Variants in VSTM4 observed in about 807,000 individuals in gnomAD.
The protein encoded by VSTM4 is V-set and transmembrane domain-containing protein 4.
Under a neutral mutation model 36.4 loss-of-function variants are expected in VSTM4, and 20 were observed. The ratio of observed to expected loss-of-function variants is 0.55; its 90% CI spans 0.39 to 0.80. VSTM4 has a LOEUF of 0.80. Among genes scored for constraint, VSTM4 ranks in the 30% least tolerant of loss-of-function variants. VSTM4 has a pLI of 0.00. For missense variants in VSTM4, 392 were observed against 404.5 expected (o/e 0.97, Z 0.26); for synonymous variants, 182 against 173.9 (o/e 1.05, Z -0.37).
intron 2 of VSTM4, chr10:49,103,923 G>T: frequency 6.9e-7 from 1 of 1,442,240 alleles, no homozygotes; most frequent in Non-Finnish European, 9.5e-7. Flanking sequence ...CCTGGGGTGG[G>T]GGGCACTCAA....
Position 49,018,555 on chromosome 10 carries a change from C to G in VSTM4, c.*1095G>C, listed in dbSNP as rs1161680460. The G allele has an allele frequency of 6.6e-6, 1 of 152,184 alleles. No individual in the cohort carries two copies. Among genetic ancestry groups the G allele is most frequent in the East Asian group, 1.9e-4 (1 of 5,192 alleles). 9.4% of individuals were successfully genotyped at this position (152,184 alleles called of 1,614,324 possible). ...AGACTATACTCACATCAAGAAATGT[C>G]CTCAATAACACAGTTGACAGGATGG... is the stretch of plus-strand genomic sequence containing the variant. On this transcript the variant is annotated 3_prime_UTR_variant, in exon 8 of 8. Coordinates refer to ENST00000332853, the MANE Select transcript of VSTM4 (RefSeq NM_001031746.5).
chr10:49,105,892 T>C (rs1244492896), intron 2 of VSTM4, among the ~76,000 whole-genome samples: 2 of 152,100 alleles, frequency 1.3e-5, no homozygotes, highest in African/African-American at 4.8e-5. Context: ...GTATATATCT[T>C]GTATATATAA....
chr10:49,044,458 G>T (rs1843570271), intron 7 of VSTM4, among the ~76,000 whole-genome samples: 1 of 125,014 alleles, frequency 8.0e-6, no homozygotes. Context: ...GAGAAAGAAA[G>T]AAAGAAAAAG....
At chr10:49,060,262 T>A (rs2131973355) in intron 5 of VSTM4, among the ~76,000 whole-genome samples, 1 of 152,312 alleles carries the variant, frequency 6.6e-6, no homozygotes, top group Middle Eastern at 3.4e-3. Context: ...AACTTAAAGG[T>A]TTTAAGAAAC....
chr10:49,053,380 C>A (rs112853851), intron 5 of VSTM4, among the ~76,000 whole-genome samples: 2 of 152,304 alleles, frequency 1.3e-5, no homozygotes, highest in East Asian at 1.9e-4. Flanking sequence ...TGACACACAG[C>A]GGCTGGATTG....
intron 2 of VSTM4, among the ~76,000 whole-genome samples, chr10:49,098,120 C>G (rs1300215205): frequency 6.6e-6 from 1 of 152,130 alleles, no homozygotes; most frequent in African/African-American, 2.4e-5. Context: ...TCATCCCAAC[C>G]CCCCTGCTTA....
intron 3 of VSTM4, among the ~76,000 whole-genome samples, chr10:49,078,650 G>A (rs560593636): frequency 6.6e-6 from 1 of 152,162 alleles, no homozygotes; most frequent in Non-Finnish European, 1.5e-5. Flanking sequence ...TTAAGAAGGG[G>A]GTGGTGGTGA....
intron 7 of VSTM4, among the ~76,000 whole-genome samples, chr10:49,042,466 A>G (rs1358771184): frequency 2.0e-5 from 3 of 152,238 alleles, no homozygotes; most frequent in Admixed American, 1.3e-4. Context: ...GCTGAGCCAC[A>G]CAGGCATTCA....
Position 49,021,717 on chromosome 10 carries a change from A to G in VSTM4, c.838-1942T>C, listed in dbSNP as rs143534037. ...ACATTAAAAAAAAAAGGTTGACAAAACATAGAGGTCCTCTCCTATACTATG... is the reference window on the plus strand; with the variant it reads ...ACATTAAAAAAAAAAGGTTGACAAAGCATAGAGGTCCTCTCCTATACTATG... On this transcript the variant is annotated intron_variant, in intron 7 of 7. Coordinates refer to ENST00000332853, the MANE Select transcript of VSTM4 (RefSeq NM_001031746.5). Among the ~76,000 whole-genome samples the G allele has an allele frequency of 2.6e-3, 395 of 152,272 alleles. 4 individuals carry two copies. Among genetic ancestry groups the G allele is most frequent in the African/African-American group, 8.9e-3 (371 of 41,542 alleles).
At chr10:49,036,130 C>G (rs889651742) in intron 7 of VSTM4, among the ~76,000 whole-genome samples, 1 of 152,138 alleles carries the variant, frequency 6.6e-6, no homozygotes, top group Admixed American at 6.5e-5. Flanking sequence ...TCCAGCTTAC[C>G]GAACGCCGAG....
chr10:49,099,010 C>T (rs1477930946), intron 2 of VSTM4, among the ~76,000 whole-genome samples: 1 of 152,220 alleles, frequency 6.6e-6, no homozygotes, highest in Non-Finnish European at 1.5e-5. Flanking sequence ...TAGAATGGAT[C>T]CTGTCTCTGA....
At position 49,093,402 on chromosome 10, in the gene VSTM4, GA is replaced by G. The variant is rs201203312; in HGVS notation, c.458-7380del. 6.6e-5 allele frequency among the ~76,000 whole-genome samples: 10 copies of G among 152,336 alleles called. No homozygotes were observed. The East Asian group carries it at 1.7e-3, about 26-fold the overall frequency. The stretch of plus-strand genomic sequence containing the variant: ...ACTTTTCCCGTTTCAAAAGGACCCT[GA>G]AAGAGCACCTTTTAATAGCATGTCT... On this transcript the variant is annotated intron_variant, in intron 2 of 7. Coordinates refer to ENST00000332853, the MANE Select transcript of VSTM4 (RefSeq NM_001031746.5).
intron 5 of VSTM4, among the ~76,000 whole-genome samples, chr10:49,060,282 G>T (rs1001694969): frequency 6.6e-6 from 1 of 152,204 alleles, no homozygotes; most frequent in Non-Finnish European, 1.5e-5. Context: ...CCATCAAGTT[G>T]TTTTCCCAAG....
chr10:49,107,933 C>G lies in VSTM4; in HGVS notation c.118G>C (p.Glu40Gln). The part of the protein sequence containing the change: ...PGPVVDYLEG[E>Q]NATLLCHVSQ... The stretch of plus-strand genomic sequence containing the variant: ...ACGTGGCAGAGGAGAGTGGCATTCT[C>G]CCCCTCCAGGTAGTCAACCACGGGC... Residue 40 changes from glutamate (E) to glutamine (Q), a missense_variant, in exon 2 of 8, where the codon GAG (glutamate) becomes CAG (glutamine). Transcript: ENST00000332853. 6.2e-7 allele frequency: 1 copy of G among 1,612,392 alleles called. No homozygotes were observed.
chr10:49,048,563 G>A lies in VSTM4; in HGVS notation c.690C>T (p.Ser230=), dbSNP rs146221871. 196 of 1,593,214 alleles carry A rather than the reference G, an allele frequency of 1.2e-4. 1 individual carries two copies. The African/African-American group carries it at 1.7e-3, about 13-fold the overall frequency. ...GCTGTAGTGGGGCCAAGCTGGTCAC[G>A]CTAGTGACAGTCTCCCCTGAGCTGT... ...PQNSSGETVT[S]VTSLAPLQPK... Residue 230 remains serine (S), a synonymous_variant, in exon 6 of 8, where the codon AGC becomes AGT. Transcript: ENST00000332853.
intron 2 of VSTM4, chr10:49,103,613 T>C: frequency 5.4e-6 from 8 of 1,474,320 alleles, no homozygotes; most frequent in Non-Finnish European, 6.3e-6. Context: ...AGTTATTTTT[T>C]AAATATATCA....
intron 1 of VSTM4, among the ~76,000 whole-genome samples, chr10:49,109,828 C>T (rs931313731): frequency 6.6e-6 from 1 of 152,240 alleles, no homozygotes; most frequent in African/African-American, 2.4e-5. Flanking sequence ...TCAGAAGCCC[C>T]TCCTGCAAGG....
At chr10:49,088,695 A>C (rs1345930982) in intron 2 of VSTM4, among the ~76,000 whole-genome samples, 1 of 152,264 alleles carries the variant, frequency 6.6e-6, no homozygotes. Flanking sequence ...TTTGCATTCC[A>C]AGAGCTTTGC....
intron 2 of VSTM4, among the ~76,000 whole-genome samples, chr10:49,094,081 C>T (rs1403516719): frequency 2.6e-5 from 4 of 152,130 alleles, no homozygotes; most frequent in East Asian, 1.9e-4. Context: ...ATGAAATGAA[C>T]GTGATACAGT....
Sources: gnomAD v4.1 joint callset for allele counts (sites outside exome capture counted in the v4.1 genomes callset) on GRCh38, gnomAD v4.1.1 for gene constraint, MANE v1.5 for transcripts, NCBI Gene and HGNC (gene_info 2026-07-23, HGNC 2026-07-21) for gene names.